The following MORC1 variants were observed in gnomAD, a reference collection of about 807,000 sequenced individuals.
MORC1 encodes the protein MORC family CW-type zinc finger 1.
A neutral mutation model predicts 134.9 loss-of-function variants in MORC1; 59 were observed. The observed-to-expected ratio is 0.44, with a 90% CI of 0.35 to 0.54. The LOEUF is 0.54. MORC1 is among the 20% of genes least tolerant of loss of function. MORC1 has a pLI of 0.00. For synonymous variants in MORC1, 395 were observed against 391.7 expected, an observed-to-expected ratio of 1.01 and a Z score of -0.10; for missense variants, 947 against 1,134.5, an observed-to-expected ratio of 0.83 and a Z score of 2.37.
chr3:109,027,511 C>T (rs1010999833), intron 17 of MORC1, among the ~76,000 whole-genome samples: 14 of 151,840 alleles, frequency 9.2e-5, no homozygotes, highest in African/African-American at 3.1e-4. Flanking sequence ...ATAAATGTCC[C>T]TATTTCTCAC....
intron 7 of MORC1, 113 bp from the exon 8 acceptor site, chr3:109,093,654 C>T (rs1237145028): frequency 5.5e-6 from 4 of 728,250 alleles, no homozygotes; most frequent in East Asian, 2.7e-5. Context: ...TTCTTTTGTA[C>T]TTCAGTAAAT....
intron 17 of MORC1, among the ~76,000 whole-genome samples, chr3:109,018,751 A>G (rs1948884778): frequency 6.6e-6 from 1 of 152,242 alleles, no homozygotes; most frequent in South Asian, 2.1e-4. Flanking sequence ...TCATGTTTAT[A>G]TTCAAAATGG....
At chr3:109,039,583 G>T (rs1289010575) in intron 14 of MORC1, among the ~76,000 whole-genome samples, 1 of 152,154 alleles carries the variant, frequency 6.6e-6, no homozygotes. Flanking sequence ...TTCAGGGGAA[G>T]GGATGGATAT....
chr3:109,063,774 G>GA (rs1286247354), intron 9 of MORC1, among the ~76,000 whole-genome samples: 2 of 151,822 alleles, frequency 1.3e-5, no homozygotes, highest in African/African-American at 2.4e-5. Context: ...AACAATAAAG[G>GA]AAAAAAATAT....
chr3:109,003,256 A>G (rs56015617), intron 20 of MORC1, among the ~76,000 whole-genome samples: 3,431 of 128,988 alleles, frequency 0.027, 63 homozygotes, highest in Middle Eastern at 0.11. Flanking sequence ...ACACAGTAAA[A>G]TTATACATAT....
At chr3:109,061,802 T>C (rs543645780) in intron 11 of MORC1, among the ~76,000 whole-genome samples, 186 bp downstream of exon 11, 5 of 152,318 alleles carry the variant, frequency 3.3e-5, no homozygotes, top group East Asian at 3.9e-4. Context: ...TGCCCCGACT[T>C]GCTGAGTTTC....
Position 108,959,049 on chromosome 3 carries a change from G to T in MORC1, c.2871C>A (p.Leu957=). ...LEALLKEDNL[L]FQNNLNKVTI... is the part of the protein sequence containing the mutation. Reference sequence around the variant, plus strand: ...TTACTTTATTTAAATTGTTCTGGAAGAGAAGATTATCTTCTTTAAGCAAAG... The same window carrying T: ...TTACTTTATTTAAATTGTTCTGGAATAGAAGATTATCTTCTTTAAGCAAAG... Residue 957 remains leucine (L), a synonymous_variant, in exon 28 of 28, where the codon CTC becomes CTA. Transcript: ENST00000232603. 2 of 1,570,302 alleles carry T rather than the reference G, an allele frequency of 1.3e-6. No individual in the cohort carries two copies. Among genetic ancestry groups the T allele is most frequent in the Non-Finnish European group, 1.7e-6 (2 of 1,158,802 alleles).
In MORC1 at chr3:108,986,877, T is replaced by TC. The variant is rs1947908484; in HGVS notation, c.2257+2_2257+3insG. ...ATATATACATGAGCTGATTTTTTTT[T>TC]ACCTTGGTTTAAAAGAGGAATTTCC... On this transcript the variant is annotated splice_region_variant and intron_variant, in intron 22 of 27. Transcript: ENST00000232603. 7.7e-6 allele frequency: 12 copies of TC among 1,550,890 alleles called. No homozygotes were observed. The South Asian group carries it at 1.1e-4, about 14-fold the overall frequency.
chr3:109,004,925 A>G (rs1421269669), intron 19 of MORC1, 37 bp from the exon 20 acceptor site: 1 of 1,598,140 alleles, frequency 6.3e-7, no homozygotes, highest in South Asian at 1.1e-5. Context: ...AAAATTAGAA[A>G]TTGGGACCTT....
intron 23 of MORC1, among the ~76,000 whole-genome samples, chr3:108,981,608 CCT>C (rs1489377845): frequency 2.6e-5 from 4 of 152,064 alleles, no homozygotes; most frequent in African/African-American, 9.7e-5. Flanking sequence ...CCTCTCTAAA[CCT>C]CTGTTTCTTG....
At chr3:108,987,143 T>C (rs979790025) in intron 21 of MORC1, among the ~76,000 whole-genome samples, 194 bp from the exon 22 acceptor site, 20 of 152,182 alleles carry the variant, frequency 1.3e-4, no homozygotes, top group African/African-American at 4.8e-4. Context: ...TCAAGGATGA[T>C]TGCATTATCA....
rs753583949 is a variant in MORC1 at position 109,035,412 on chromosome 3, C to T, written c.1387G>A (p.Val463Met). The change falls in exon 15 of 28, where the codon GTG becomes ATG. Residue 463 changes from valine to methionine, a missense_variant. This residue lies in a region of MORC1 where 722 missense variants were observed against 817.0 expected (regional missense o/e 0.88). Coordinates refer to ENST00000232603, the MANE Select transcript of MORC1 (RefSeq NM_014429.4). ...TGAAAAGAATTTAAAGGTTTCTCCA[C>T]ATCGATGTCATTCTGGTATCCAAAT... ...NEFGYQNDIDVEKPLNSFQYQ... is the reference protein window; with the variant it reads ...NEFGYQNDIDMEKPLNSFQYQ... 19 of 1,554,108 alleles carry T rather than the reference C, an allele frequency of 1.2e-5. No individual in the cohort carries two copies. Among genetic ancestry groups the T allele is most frequent in the African/African-American group, 4.1e-5 (3 of 72,774 alleles).
chr3:109,022,417 AAAC>A (rs1229765631), intron 17 of MORC1, among the ~76,000 whole-genome samples: 5 of 152,242 alleles, frequency 3.3e-5, no homozygotes, highest in African/African-American at 1.2e-4. Context: ...TTTACTGCTA[AAAC>A]AATCAATGTG....
intron 14 of MORC1, among the ~76,000 whole-genome samples, chr3:109,045,268 G>A (rs1949668128): frequency 6.6e-6 from 1 of 152,086 alleles, no homozygotes; most frequent in African/African-American, 2.4e-5. Context: ...TTTTCTCAGG[G>A]AACAGTTAAA....
At chr3:109,033,686 T>G (rs1949299368) in intron 15 of MORC1, among the ~76,000 whole-genome samples, 1 of 152,212 alleles carries the variant, frequency 6.6e-6, no homozygotes, top group Non-Finnish European at 1.5e-5. Context: ...AGTATCATTA[T>G]CTATTAAAAG....
chr3:108,997,009 CAAAA>C (rs36087713), intron 21 of MORC1, among the ~76,000 whole-genome samples: 7 of 31,540 alleles, frequency 2.2e-4, no homozygotes, highest in Non-Finnish European at 3.9e-4. Context: ...GACTCTGTCT[CAAAA>C]AAAAAAAAAA....
At chr3:109,031,526 G>C (rs1949240751) in intron 16 of MORC1, among the ~76,000 whole-genome samples, 1 of 152,156 alleles carries the variant, frequency 6.6e-6, no homozygotes, top group African/African-American at 2.4e-5. Flanking sequence ...TTGAAACTGA[G>C]CCAACACTTT....
intron 22 of MORC1, 121 bp downstream of exon 22, chr3:108,986,758 AT>A (rs1947904467): frequency 5.8e-6 from 4 of 685,278 alleles, no homozygotes; most frequent in Non-Finnish European, 9.4e-6. Flanking sequence ...AACAAACTTA[AT>A]TTTTTAAAAT....
At chr3:109,016,893 A>G (rs1948827792) in intron 17 of MORC1, among the ~76,000 whole-genome samples, 1 of 152,010 alleles carries the variant, frequency 6.6e-6, no homozygotes, top group African/African-American at 2.4e-5. Context: ...AGAAAGAAAA[A>G]AGGAAAAGGT....
Sources: gnomAD v4.1 joint callset for allele counts (sites outside exome capture counted in the v4.1 genomes callset) on GRCh38, gnomAD v4.1.1 for gene constraint, gnomAD v4.1.1 regional missense constraint, MANE v1.5 for transcripts, NCBI Gene and HGNC (gene_info 2026-07-23, HGNC 2026-07-21) for gene names.